The following PDE4B variants were observed in gnomAD, a reference collection of about 807,000 sequenced individuals.
PDE4B encodes the protein 3',5'-cyclic-AMP phosphodiesterase 4B.
Under a neutral mutation model 82.2 loss-of-function variants are expected in PDE4B, and 20 were observed. That is an observed-to-expected ratio of 0.24 (90% confidence interval 0.17 to 0.35). PDE4B has a LOEUF of 0.35. Among genes scored for constraint, PDE4B ranks in the 10% least tolerant of loss-of-function variants. The pLI, the probability that PDE4B is intolerant of heterozygous loss-of-function variation, is 1.00. For missense variants in PDE4B, 655 were observed against 907.2 expected, an observed-to-expected ratio of 0.72 and a Z score of 3.57; for synonymous variants, 320 against 318.9, an observed-to-expected ratio of 1.00 and a Z score of -0.04.
At chr1:65,996,013 G>T (rs1651521537) in intron 3 of PDE4B, among the ~76,000 whole-genome samples, 1 of 152,128 alleles carries the variant, frequency 6.6e-6, no homozygotes, top group South Asian at 2.1e-4. Context: ...TGGACTAATG[G>T]CAGAAGATTT....
chr1:66,286,640 G>A (rs1570626589), intron 7 of PDE4B, among the ~76,000 whole-genome samples: 1 of 152,276 alleles, frequency 6.6e-6, no homozygotes, highest in African/African-American at 2.4e-5. Context: ...GGTGAAAAAT[G>A]TGAGAATTCA....
At chr1:65,851,552 A>G (rs1024593052) in intron 1 of PDE4B, among the ~76,000 whole-genome samples, 2 of 152,134 alleles carry the variant, frequency 1.3e-5, no homozygotes, top group African/African-American at 4.8e-5. Context: ...ATAAATTGTT[A>G]AATTTATTTG....
intron 3 of PDE4B, among the ~76,000 whole-genome samples, chr1:66,179,711 C>T (rs1647020038): frequency 6.6e-6 from 1 of 152,206 alleles, no homozygotes; most frequent in Non-Finnish European, 1.5e-5. Context: ...GCTGTATAGA[C>T]TGCTGTAGGC....
chr1:66,109,449 A>G (rs1204353233), intron 3 of PDE4B, among the ~76,000 whole-genome samples: 1 of 144,896 alleles, frequency 6.9e-6, no homozygotes, highest in Non-Finnish European at 1.5e-5. Flanking sequence ...ACATTTATGT[A>G]TAATTTTTTC....
Position 65,800,580 on chromosome 1 carries a change from TAATCTC to T in PDE4B, c.-71+7333_-71+7338del, listed in dbSNP as rs1238926256. Among the ~76,000 whole-genome samples, 5 of 152,364 alleles carry T rather than the reference TAATCTC, an allele frequency of 3.3e-5. No homozygotes were observed. The South Asian group carries it at 1.0e-3, about 32-fold the overall frequency. ...GGTATAAAATAAGGCCAGCTTATGA[TAATCTC>T]TAAAGTTCTTTCCAGCATTATCATT... is the stretch of plus-strand genomic sequence containing the variant. On this transcript the variant is annotated intron_variant, in intron 1 of 16. Coordinates refer to ENST00000341517, the MANE Select transcript of PDE4B (RefSeq NM_002600.4).
intron 7 of PDE4B, among the ~76,000 whole-genome samples, chr1:66,272,539 C>A (rs1428765523): frequency 1.3e-5 from 2 of 152,164 alleles, no homozygotes; most frequent in Non-Finnish European, 2.9e-5. Context: ...GTCCCTTTTT[C>A]TGTCTTTCTG....
intron 1 of PDE4B, among the ~76,000 whole-genome samples, chr1:65,902,334 G>GA (rs1646980687): frequency 6.6e-6 from 1 of 152,046 alleles, no homozygotes; most frequent in Non-Finnish European, 1.5e-5. Flanking sequence ...AGATTAGAAG[G>GA]ATCAAATGAC....
intron 3 of PDE4B, among the ~76,000 whole-genome samples, chr1:65,998,527 G>T (rs954637233): frequency 6.6e-6 from 1 of 152,004 alleles, no homozygotes; most frequent in African/African-American, 2.4e-5. Context: ...GGAGCTTAAA[G>T]GTAACTGGAA....
intron 3 of PDE4B, among the ~76,000 whole-genome samples, chr1:66,024,195 A>G (rs1653307325): frequency 6.6e-6 from 1 of 152,186 alleles, no homozygotes; most frequent in African/African-American, 2.4e-5. Context: ...AAAAACAATC[A>G]ATAATGGGTG....
At position 66,194,613 on chromosome 1, in the gene PDE4B, G is replaced by T. The variant is rs12035583; in HGVS notation, c.282-52847G>T. Among the ~76,000 whole-genome samples the T allele has an allele frequency of 0.016, 2,386 of 152,076 alleles. 117 individuals carry two copies. The East Asian group carries it at 0.18, about 12-fold the overall frequency. ...GGTTAATGAAGTAAAATAAGTTTTG[G>T]TATCAAACAACTCCAATTTCGTACT... On this transcript the variant is annotated intron_variant, in intron 3 of 16. Transcript: ENST00000341517.
chr1:66,342,742 A>C (rs552090998), intron 8 of PDE4B, among the ~76,000 whole-genome samples: 4 of 146,716 alleles, frequency 2.7e-5, no homozygotes, highest in Admixed American at 6.8e-5. Flanking sequence ...AAAAAAAAAA[A>C]ACAAAACAAA....
At chr1:65,938,564 G>A (rs1388653789) in intron 3 of PDE4B, among the ~76,000 whole-genome samples, 1 of 152,154 alleles carries the variant, frequency 6.6e-6, no homozygotes, top group East Asian at 1.9e-4. Context: ...ACAAAATATG[G>A]CCTGTGCCCT....
chr1:65,793,824 T>C (rs932779769), intron 1 of PDE4B, among the ~76,000 whole-genome samples: 7 of 152,182 alleles, frequency 4.6e-5, no homozygotes, highest in African/African-American at 1.7e-4. Context: ...CAAGAGTGTG[T>C]TGGGGAAGGA....
intron 3 of PDE4B, among the ~76,000 whole-genome samples, chr1:66,096,909 A>C (rs1645130690): frequency 6.6e-6 from 1 of 151,846 alleles, no homozygotes; most frequent in Admixed American, 6.6e-5. Flanking sequence ...AATGCTTCTG[A>C]GAGTCATCCA....
At chr1:65,992,796 A>G (rs1457993239) in intron 3 of PDE4B, 2 of 1,439,188 alleles carry the variant, frequency 1.4e-6, no homozygotes, top group East Asian at 2.6e-5. Context: ...AGCTTCGTAA[A>G]TTAAACTGGA....
At chr1:66,308,174 G>T (rs1030386487) in intron 7 of PDE4B, among the ~76,000 whole-genome samples, 2 of 152,046 alleles carry the variant, frequency 1.3e-5, no homozygotes, top group African/African-American at 4.8e-5. Flanking sequence ...TGCAAAATTG[G>T]GCAGATAAGG....
At chr1:65,968,974 A>G (rs944721824) in intron 3 of PDE4B, among the ~76,000 whole-genome samples, 1 of 152,150 alleles carries the variant, frequency 6.6e-6, no homozygotes, top group Non-Finnish European at 1.5e-5. Flanking sequence ...TTGACACAGC[A>G]TTGCTCGTTT....
intron 3 of PDE4B, among the ~76,000 whole-genome samples, chr1:66,058,610 A>G (rs1166835016): frequency 6.6e-6 from 1 of 152,202 alleles, no homozygotes. Context: ...GCACCTGCAG[A>G]CCCAACACCA....
intron 3 of PDE4B, among the ~76,000 whole-genome samples, chr1:66,236,390 CT>C (rs1652455243): frequency 1.3e-5 from 2 of 151,918 alleles, no homozygotes; most frequent in South Asian, 4.2e-4. Flanking sequence ...ATTATGTGTG[CT>C]TTTCAATCAC....
Sources: gnomAD v4.1 joint callset for allele counts (sites outside exome capture counted in the v4.1 genomes callset) on GRCh38, gnomAD v4.1.1 for gene constraint, MANE v1.5 for transcripts, NCBI Gene and HGNC (gene_info 2026-07-23, HGNC 2026-07-21) for gene names.